The following COX7B2 variants were observed in gnomAD, a reference collection of about 807,000 sequenced individuals.
COX7B2 encodes cytochrome c oxidase subunit 7B2, mitochondrial.
For missense variants in COX7B2, 109 were observed against 95.9 expected, an observed-to-expected ratio of 1.14 and a Z score of -0.57; for synonymous variants, 37 against 32.1, an observed-to-expected ratio of 1.15 and a Z score of -0.51.
chr4:46,791,450 T>A (rs1718043182), intron 2 of COX7B2, among the ~76,000 whole-genome samples: 1 of 152,204 alleles, frequency 6.6e-6, no homozygotes, highest in African/African-American at 2.4e-5. Flanking sequence ...TTGGTATTTT[T>A]CCTTGTCTCT....
intron 2 of COX7B2, among the ~76,000 whole-genome samples, chr4:46,780,015 T>C (rs1717358424): frequency 6.6e-6 from 1 of 152,176 alleles, no homozygotes; most frequent in Non-Finnish European, 1.5e-5. Context: ...GTGACTGTGG[T>C]AATAATCTCA....
At chr4:46,745,751 G>T (rs1191880570) in intron 2 of COX7B2, among the ~76,000 whole-genome samples, 3 of 152,142 alleles carry the variant, frequency 2.0e-5, no homozygotes, top group Non-Finnish European at 4.4e-5. Context: ...CTGAGGGAAG[G>T]ATCTTAAGGA....
intron 2 of COX7B2, among the ~76,000 whole-genome samples, chr4:46,763,238 A>G (rs1000633755): frequency 1.4e-5 from 2 of 140,734 alleles, no homozygotes; most frequent in Admixed American, 1.5e-4. Context: ...TATATTATAT[A>G]TATACATATA....
chr4:46,793,943 G>A (rs1210792559), intron 2 of COX7B2, among the ~76,000 whole-genome samples: 1 of 152,086 alleles, frequency 6.6e-6, no homozygotes, highest in Non-Finnish European at 1.5e-5. Flanking sequence ...CATTCATAGT[G>A]GTATTGGTTT....
chr4:46,747,487 A>T (rs900097228), intron 2 of COX7B2, among the ~76,000 whole-genome samples: 2 of 151,812 alleles, frequency 1.3e-5, no homozygotes, highest in African/African-American at 4.8e-5. Flanking sequence ...TATTTTTAAT[A>T]GAGACGGGGT....
chr4:46,787,276 C>T (rs560777135), intron 2 of COX7B2, among the ~76,000 whole-genome samples: 9 of 152,068 alleles, frequency 5.9e-5, no homozygotes, highest in African/African-American at 2.2e-4. Flanking sequence ...GGAGAAACCC[C>T]GTCTCTACTA....
At chr4:46,876,042 A>G (rs1350739493) in intron 1 of COX7B2, among the ~76,000 whole-genome samples, 1 of 152,208 alleles carries the variant, frequency 6.6e-6, no homozygotes, top group East Asian at 1.9e-4. Flanking sequence ...AATTGAAGAC[A>G]TGAATATTCA....
At chr4:46,865,980 T>G (rs557696249) in intron 1 of COX7B2, among the ~76,000 whole-genome samples, 1 of 152,168 alleles carries the variant, frequency 6.6e-6, no homozygotes, top group Admixed American at 6.5e-5. Flanking sequence ...ACCTGGGAGA[T>G]TGGGTACTAG....
At chr4:46,888,926 G>T (rs1719254133) in intron 1 of COX7B2, among the ~76,000 whole-genome samples, 1 of 152,086 alleles carries the variant, frequency 6.6e-6, no homozygotes, top group Admixed American at 6.5e-5. Context: ...ACCTTCCAGT[G>T]TTGCTGCAAT....
chr4:46,861,289 G>A (rs1174118091), intron 1 of COX7B2, among the ~76,000 whole-genome samples: 2 of 152,084 alleles, frequency 1.3e-5, no homozygotes, highest in East Asian at 1.9e-4. Flanking sequence ...ATTTACTTTT[G>A]TTGTACCCTG....
At chr4:46,893,595 A>C (rs1457843361) in intron 1 of COX7B2, among the ~76,000 whole-genome samples, 2 of 152,174 alleles carry the variant, frequency 1.3e-5, no homozygotes, top group African/African-American at 4.8e-5. Context: ...AATACAAGGA[A>C]ATTTCAAAAT....
At chr4:46,821,419 C>T (rs999115764) in intron 2 of COX7B2, among the ~76,000 whole-genome samples, 4 of 152,152 alleles carry the variant, frequency 2.6e-5, no homozygotes, top group Non-Finnish European at 5.9e-5. Context: ...ACAATCTATG[C>T]TTGAACTGAC....
chr4:46,878,507 A>G (rs983583200), intron 1 of COX7B2, among the ~76,000 whole-genome samples: 2 of 151,970 alleles, frequency 1.3e-5, no homozygotes, highest in Non-Finnish European at 2.9e-5. Flanking sequence ...ATATAGACAC[A>G]TATATACACA....
At chr4:46,740,389 TG>T (rs1714633118) in intron 2 of COX7B2, among the ~76,000 whole-genome samples, 1 of 152,134 alleles carries the variant, frequency 6.6e-6, no homozygotes, top group Non-Finnish European at 1.5e-5. Context: ...TTTGAAAACA[TG>T]TTTTGGTTTT....
chr4:46,855,059 G>GCA (rs1716924532), intron 1 of COX7B2, among the ~76,000 whole-genome samples: 1 of 152,128 alleles, frequency 6.6e-6, no homozygotes, highest in Non-Finnish European at 1.5e-5. Flanking sequence ...CAGGTGCGGT[G>GCA]CCTCACGTCT....
chr4:46,878,809 C>T (rs1268272478), intron 1 of COX7B2, among the ~76,000 whole-genome samples: 1 of 152,166 alleles, frequency 6.6e-6, no homozygotes, highest in African/African-American at 2.4e-5. Context: ...TACCCCTTCT[C>T]TCTGAGGGCA....
At chr4:46,835,573 T>C (rs115453698) in intron 2 of COX7B2, among the ~76,000 whole-genome samples, 1,687 of 152,146 alleles carry the variant, frequency 0.011, 13 homozygotes, top group Non-Finnish European at 0.016. Context: ...TGGTTTTCAA[T>C]GGAAAAAACT....
intron 1 of COX7B2, among the ~76,000 whole-genome samples, chr4:46,871,605 C>T (rs1406043956): frequency 1.3e-5 from 2 of 150,904 alleles, no homozygotes; most frequent in Non-Finnish European, 3.0e-5. Flanking sequence ...GGTCTAATAC[C>T]CAGCATCTAT....
At chr4:46,793,914 C>G (rs36039702) in intron 2 of COX7B2, among the ~76,000 whole-genome samples, 1,739 of 152,274 alleles carry the variant, frequency 0.011, 13 homozygotes, top group Non-Finnish European at 0.018. Flanking sequence ...TGGTCTCCCC[C>G]CTTTGGCTGT....
Sources: allele counts gnomAD v4.1 joint callset (sites outside exome capture counted in the v4.1 genomes callset), GRCh38; gene constraint gnomAD v4.1.1; transcripts MANE v1.5; gene names NCBI Gene and HGNC (gene_info 2026-07-23, HGNC 2026-07-21).